DCPH1: variants seen among roughly 807,000 people sequenced by gnomAD.
DCPH1 encodes the protein damage-control phosphatase 1.
the DCPH1 span, chr6:151,464,551 A>G: frequency 3.1e-6 from 5 of 1,612,208 alleles, no homozygotes; most frequent in African/African-American, 5.3e-5. Flanking sequence ...CACCTGCAAC[A>G]ATTGATAAGA....
At chr6:151,462,225 T>C in the DCPH1 span, among the ~76,000 whole-genome samples, 1 of 152,212 alleles carries the variant, frequency 6.6e-6, no homozygotes, top group South Asian at 2.1e-4. Flanking sequence ...AAGTGTAATA[T>C]ACATATAGAA....
At chr6:151,452,758 G>C in the DCPH1 span, 4 of 621,134 alleles carry the variant, frequency 6.4e-6, no homozygotes, top group Non-Finnish European at 1.1e-5. Flanking sequence ...CGGAGGCGAA[G>C]GGAGGCGGCC....
chr6:151,469,352 C>A, the DCPH1 span: 1 of 383,092 alleles, frequency 2.6e-6, no homozygotes. Flanking sequence ...GGAATTTTAG[C>A]AACTTTTTTT....
chr6:151,464,951 T>G, the DCPH1 span, among the ~76,000 whole-genome samples: 1 of 152,330 alleles, frequency 6.6e-6, no homozygotes, highest in South Asian at 2.1e-4. Flanking sequence ...GGGTGTGTGT[T>G]GGCTCTGTGG....
At chr6:151,469,163 T>TC in the DCPH1 span, 3 of 1,467,724 alleles carry the variant, frequency 2.0e-6, no homozygotes, top group Non-Finnish European at 2.7e-6. Context: ...CACCTTTTCA[T>TC]CCCCAGAAAA....
At chr6:151,458,125 T>C in the DCPH1 span, among the ~76,000 whole-genome samples, 1 of 152,188 alleles carries the variant, frequency 6.6e-6, no homozygotes, top group Non-Finnish European at 1.5e-5. Flanking sequence ...AGAACTTAGG[T>C]AGATAAGGCA....
the DCPH1 span, among the ~76,000 whole-genome samples, chr6:151,454,166 A>T: frequency 6.6e-6 from 1 of 152,222 alleles, no homozygotes; most frequent in African/African-American, 2.4e-5. Context: ...CATCTTTCTA[A>T]GCAGGTGACT....
At chr6:151,452,581 C>G in the DCPH1 span, 3 of 1,610,502 alleles carry the variant, frequency 1.9e-6, no homozygotes, top group Non-Finnish European at 1.7e-6. Flanking sequence ...CAGGACAGGA[C>G]GTGGGGTTAG....
the DCPH1 span, among the ~76,000 whole-genome samples, chr6:151,466,375 TTTG>T: frequency 6.6e-6 from 1 of 152,220 alleles, no homozygotes; most frequent in Non-Finnish European, 1.5e-5. Context: ...GAATGTGTTC[TTTG>T]TCCCATAGTA....
the DCPH1 span, chr6:151,458,540 G>A: frequency 6.2e-7 from 1 of 1,611,784 alleles, no homozygotes; most frequent in Non-Finnish European, 8.5e-7. Context: ...AATGTTACAT[G>A]TATCGAAGAA....
the DCPH1 span, among the ~76,000 whole-genome samples, chr6:151,465,167 T>C: frequency 3.1e-4 from 47 of 152,352 alleles, no homozygotes; most frequent in Non-Finnish European, 4.9e-4. Flanking sequence ...AGTTGGCCCA[T>C]TAATACAGTT....
the DCPH1 span, among the ~76,000 whole-genome samples, chr6:151,453,703 T>C: frequency 6.6e-6 from 1 of 152,254 alleles, no homozygotes; most frequent in Non-Finnish European, 1.5e-5. Context: ...AGCTAAGCTC[T>C]GTGCTCTATA....
the DCPH1 span, chr6:151,452,572 A>G: frequency 1.2e-6 from 2 of 1,611,380 alleles, no homozygotes; most frequent in East Asian, 2.3e-5. Flanking sequence ...CGTCTCTCTC[A>G]GGACAGGACG....
the DCPH1 span, among the ~76,000 whole-genome samples, chr6:151,465,605 CAG>C: frequency 2.0e-5 from 3 of 152,100 alleles, no homozygotes; most frequent in Non-Finnish European, 2.9e-5. Context: ...AAAAGTGAAA[CAG>C]AAGCCATCAG....
chr6:151,453,768 A>G, the DCPH1 span, among the ~76,000 whole-genome samples: 2 of 152,230 alleles, frequency 1.3e-5, no homozygotes, highest in Non-Finnish European at 2.9e-5. Context: ...TACCTGTATC[A>G]TGTATTTCCT....
the DCPH1 span, chr6:151,464,541 C>A: frequency 1.2e-6 from 2 of 1,611,322 alleles, no homozygotes; most frequent in Admixed American, 1.7e-5. Flanking sequence ...TTTATGTACT[C>A]ACCTGCAACA....
At chr6:151,459,430 G>C in the DCPH1 span, among the ~76,000 whole-genome samples, 1 of 147,396 alleles carries the variant, frequency 6.8e-6, no homozygotes, top group Admixed American at 6.6e-5. Flanking sequence ...AAGTACACAT[G>C]TTTCAAAGTA....
the DCPH1 span, among the ~76,000 whole-genome samples, chr6:151,456,570 C>CAA: frequency 1.3e-5 from 2 of 152,196 alleles, no homozygotes; most frequent in South Asian, 4.1e-4. Flanking sequence ...CTTTATCACA[C>CAA]AAGTATAATT....
At chr6:151,455,280 A>C in the DCPH1 span, among the ~76,000 whole-genome samples, 2 of 152,318 alleles carry the variant, frequency 1.3e-5, no homozygotes, top group Admixed American at 6.5e-5. Context: ...TTGGAAAAGA[A>C]AAAGACACAG....
Sources: allele counts gnomAD v4.1 joint callset (sites outside exome capture counted in the v4.1 genomes callset), GRCh38; gene constraint gnomAD v4.1.1; transcripts MANE v1.5; gene names NCBI Gene and HGNC (gene_info 2026-07-23, HGNC 2026-07-21).